The following OLFM4 variants were observed in gnomAD, a reference collection of about 807,000 sequenced individuals.
OLFM4 encodes the protein olfactomedin-4.
OLFM4 carries 22 observed loss-of-function variants against 25.5 expected under a neutral mutation model. The ratio of observed to expected loss-of-function variants is 0.86; its 90% CI spans 0.62 to 1.23. The LOEUF (loss-of-function observed/expected upper bound fraction) is 1.23, where lower values mean the gene tolerates loss of function less well. Ranked by LOEUF, OLFM4 falls within the 50% of genes most tolerant of loss-of-function variation. OLFM4 has a pLI of 0.00. For synonymous variants in OLFM4, 255 were observed against 237.7 expected (o/e 1.07, Z -0.67); for missense variants, 594 against 619.4 (o/e 0.96, Z 0.44).
Position 53,050,503 on chromosome 13 carries a change from A to C in OLFM4, c.1265A>C (p.Tyr422Ser). The part of the protein sequence containing the change: ...DTTLQVLNTW[Y>S]TKQYKPSASN... ...ACACTTCAGGTGCTAAACACTTGGT[A>C]TACCAAGCAGTATAAACCATCTGCT... The change falls in exon 5 of 5, where the codon TAT becomes TCT. Residue 422 changes from tyrosine to serine, a missense_variant. Coordinates refer to ENST00000219022, the MANE Select transcript of OLFM4 (RefSeq NM_006418.5). 1 of 1,614,084 alleles carries C rather than the reference A, an allele frequency of 6.2e-7. No individual in the cohort carries two copies. The highest frequency in any genetic ancestry group is 8.5e-7 in the Non-Finnish European group (1 of 1,179,960).
At chr13:53,043,323 G>A (rs758855678) in intron 4 of OLFM4, 59 bp downstream of exon 4, 629 of 1,398,584 alleles carry the variant, frequency 4.5e-4, no homozygotes, top group Non-Finnish European at 4.9e-4. Context: ...CTGTGAGTGG[G>A]GTGGGGAAGG....
intron 2 of OLFM4, among the ~76,000 whole-genome samples, chr13:53,037,456 A>G (rs1954664878): frequency 6.6e-6 from 1 of 152,232 alleles, no homozygotes. Context: ...GTATTTGTAT[A>G]GTGAAATATA....
At position 53,050,877 on chromosome 13, in the gene OLFM4, C is replaced by T; in HGVS notation, c.*106C>T. The T allele has an allele frequency of 2.0e-6, 2 of 975,892 alleles. No individual in the cohort carries two copies. The highest frequency in any genetic ancestry group is 3.0e-6 in the Non-Finnish European group (2 of 668,838). The allele number at this position is 975,892 out of a possible 1,614,324, so 60.5% of individuals were successfully genotyped here. A position where few individuals can be genotyped will look rare whatever the true frequency, so the allele number is the denominator to read the frequency against. On this transcript the variant is annotated 3_prime_UTR_variant, in exon 5 of 5. Transcript: ENST00000219022. Reference sequence around the variant, plus strand: ...GTCTAAAAGTGTGTTCATTTTGCAGCAATGTTTAGGTGCATAGTTCTACCA... The same window carrying T: ...GTCTAAAAGTGTGTTCATTTTGCAGTAATGTTTAGGTGCATAGTTCTACCA...
intron 1 of OLFM4, among the ~76,000 whole-genome samples, chr13:53,030,957 G>A (rs1954625921): frequency 2.0e-5 from 3 of 152,202 alleles, no homozygotes; most frequent in African/African-American, 2.4e-5. Context: ...TTGGACTGAG[G>A]TTAACAATAA....
At chr13:53,029,667 G>A (rs1480381531) in intron 1 of OLFM4, among the ~76,000 whole-genome samples, 1 of 152,182 alleles carries the variant, frequency 6.6e-6, no homozygotes, top group Non-Finnish European at 1.5e-5. Context: ...ATTACCAGTG[G>A]ACATTCGCCT....
rs556507437 is a variant in OLFM4, at chr13:53,040,589, G to C, written c.358-1321G>C. On this transcript the variant is annotated intron_variant, in intron 2 of 4. Coordinates refer to ENST00000219022, the MANE Select transcript of OLFM4 (RefSeq NM_006418.5). ...GCCGTGGCAACGATTTTGTCCCCAG[G>C]GAACATTTAGCAATGCCCAGAGACA... 7.9e-5 allele frequency among the ~76,000 whole-genome samples: 12 copies of C among 152,274 alleles called. No homozygotes were observed. The South Asian group carries it at 2.5e-3, about 32-fold the overall frequency.
intron 4 of OLFM4, among the ~76,000 whole-genome samples, chr13:53,047,895 A>G (rs1288181416): frequency 6.6e-6 from 1 of 152,112 alleles, no homozygotes; most frequent in African/African-American, 2.4e-5. Flanking sequence ...TTCCTTAAAT[A>G]TTTTGTTGCT....
chr13:53,042,390 T>G (rs1289833427), intron 3 of OLFM4, among the ~76,000 whole-genome samples: 1 of 152,218 alleles, frequency 6.6e-6, no homozygotes, highest in Non-Finnish European at 1.5e-5. Flanking sequence ...TTTCAACTTC[T>G]CTGAAAAGGA....
intron 4 of OLFM4, among the ~76,000 whole-genome samples, chr13:53,046,865 A>T (rs1212238050): frequency 6.6e-6 from 1 of 152,226 alleles, no homozygotes; most frequent in African/African-American, 2.4e-5. Flanking sequence ...ATACACAACT[A>T]CTGTTGGAAT....
chr13:53,041,303 G>T (rs543082018), intron 2 of OLFM4, among the ~76,000 whole-genome samples: 3 of 152,276 alleles, frequency 2.0e-5, no homozygotes, highest in African/African-American at 7.2e-5. Flanking sequence ...AAGAAAGAAT[G>T]AGATCATGTT....
chr13:53,036,825 CA>C (rs1469375213), intron 2 of OLFM4, among the ~76,000 whole-genome samples: 2 of 152,162 alleles, frequency 1.3e-5, no homozygotes, highest in African/African-American at 2.4e-5. Context: ...ATTTTAGAGA[CA>C]GTAAAACTGC....
At chr13:53,049,739 A>G (rs948198142) in intron 4 of OLFM4, among the ~76,000 whole-genome samples, 1 of 152,112 alleles carries the variant, frequency 6.6e-6, no homozygotes, top group African/African-American at 2.4e-5. Flanking sequence ...TTGAAAGCCC[A>G]CCCATGGAAA....
At chr13:53,040,906 A>G (rs1272831307) in intron 2 of OLFM4, among the ~76,000 whole-genome samples, 1 of 152,220 alleles carries the variant, frequency 6.6e-6, no homozygotes. Flanking sequence ...AGAGAAATGC[A>G]AATCAAAGCC....
chr13:53,039,022 C>G (rs1954674105), intron 2 of OLFM4, among the ~76,000 whole-genome samples: 1 of 152,188 alleles, frequency 6.6e-6, no homozygotes, highest in Non-Finnish European at 1.5e-5. Flanking sequence ...TTTGTCTGCA[C>G]CAGGGCAGGC....
intron 1 of OLFM4, among the ~76,000 whole-genome samples, chr13:53,033,042 C>T (rs1954637409): frequency 6.6e-6 from 1 of 152,132 alleles, no homozygotes; most frequent in South Asian, 2.1e-4. Flanking sequence ...GGTTGGCTTT[C>T]AGATGAGATC....
chr13:53,050,370 G>C lies in OLFM4; in HGVS notation c.1132G>C (p.Val378Leu). The part of the protein sequence containing the change: ...AYNNRFSYAN[V>L]AWQDIDFAVD... ...TAATAACCGCTTTTCATATGCTAAT[G>C]TTGCTTGGCAAGATATTGACTTTGC... The change falls in exon 5 of 5, where the codon GTT (valine) becomes CTT (leucine). Residue 378 changes from valine (V) to leucine (L), a missense_variant. Coordinates refer to ENST00000219022, the MANE Select transcript of OLFM4 (RefSeq NM_006418.5). 3 of 1,614,046 alleles carry C rather than the reference G, an allele frequency of 1.9e-6. No homozygotes were observed. Among genetic ancestry groups the C allele is most frequent in the Non-Finnish European group, 2.5e-6 (3 of 1,179,966 alleles).
At position 53,034,377 on chromosome 13, in the gene OLFM4, T is replaced by A. The variant is rs766045338; in HGVS notation, c.234T>A (p.Asp78Glu). The change falls in exon 2 of 5, where the codon GAT becomes GAA. Residue 78 changes from aspartate (D) to glutamate (E), a missense_variant. By Grantham distance (45) the Asp-to-Glu change is conservative. Coordinates refer to ENST00000219022, the MANE Select transcript of OLFM4 (RefSeq NM_006418.5). ...TTTCCAATTTCACCGGCTCCGTGGA[T>A]GACCGTGGGACCTGCCAGTGCTCTG... The part of the protein sequence containing the change: ...QLFSNFTGSV[D>E]DRGTCQCSVS... 5.0e-6 allele frequency: 8 copies of A among 1,613,458 alleles called. No individual in the cohort carries two copies. The Admixed American group carries it at 1.3e-4, about 27-fold the overall frequency.
rs1401821396 is a variant in OLFM4 at position 53,028,958 on chromosome 13, A to ACTCCAGCTCCAGCTTCAG, written c.135_152dup (p.Ser45_Ser50dup). 2 of 1,613,832 alleles carry ACTCCAGCTCCAGCTTCAG rather than the reference A, an allele frequency of 1.2e-6. No homozygotes were observed. The highest frequency in any genetic ancestry group is 1.7e-6 in the Non-Finnish European group (2 of 1,179,962). On this transcript the variant is annotated inframe_insertion, in exon 1 of 5. Transcript: ENST00000219022. The stretch of plus-strand genomic sequence containing the variant: ...GGCTTCAGCTCTTTCCCAGGTGTTG[A>ACTCCAGCTCCAGCTTCAG]CTCCAGCTCCAGCTTCAGCTCCAGC...
chr13:53,031,407 T>A (rs999350119), intron 1 of OLFM4, among the ~76,000 whole-genome samples: 19 of 152,242 alleles, frequency 1.2e-4, no homozygotes, highest in African/African-American at 4.6e-4. Context: ...CACTTAGCCT[T>A]GGCTACTAAT....
Sources: allele counts gnomAD v4.1 joint callset (sites outside exome capture counted in the v4.1 genomes callset), GRCh38; gene constraint gnomAD v4.1.1; transcripts MANE v1.5; gene names NCBI Gene and HGNC (gene_info 2026-07-23, HGNC 2026-07-21).